The following UNC5D variants were observed in gnomAD, a reference collection of about 807,000 sequenced individuals.
UNC5D encodes the protein unc-5 netrin receptor D, also known as netrin receptor UNC5D.
UNC5D carries 39 observed loss-of-function variants against 105.4 expected under a neutral mutation model. That is an observed-to-expected ratio of 0.37 (90% CI 0.29 to 0.48). The LOEUF is 0.48. Among genes scored for constraint, UNC5D ranks in the 20% least tolerant of loss-of-function variants. The pLI, the probability that UNC5D is intolerant of heterozygous loss-of-function variation, is 0.98. For synonymous variants in UNC5D, 452 were observed against 450.4 expected (o/e 1.00, Z -0.04); for missense variants, 991 against 1,202.4 (o/e 0.82, Z 2.60).
chr8:35,645,740 G>A (rs1823006335), intron 4 of UNC5D, among the ~76,000 whole-genome samples: 1 of 152,076 alleles, frequency 6.6e-6, no homozygotes, highest in Admixed American at 6.6e-5. Context: ...GCAGGGCAAA[G>A]GAATTTTGCT....
chr8:35,706,823 GAACA>G (rs1827610403), intron 8 of UNC5D, among the ~76,000 whole-genome samples: 1 of 152,124 alleles, frequency 6.6e-6, no homozygotes, highest in South Asian at 2.1e-4. Context: ...CCTCAGAACA[GAACA>G]AATAAATTTG....
intron 1 of UNC5D, among the ~76,000 whole-genome samples, chr8:35,439,924 G>T (rs1807283955): frequency 6.6e-6 from 1 of 151,980 alleles, no homozygotes; most frequent in Non-Finnish European, 1.5e-5. Context: ...ACTTTTAAAG[G>T]TAAACTGAAG....
At chr8:35,257,650 T>C (rs1804179920) in intron 1 of UNC5D, among the ~76,000 whole-genome samples, 3 of 152,232 alleles carry the variant, frequency 2.0e-5, no homozygotes, top group Non-Finnish European at 4.4e-5. Context: ...CGCCAAATTG[T>C]CGCCTCAGGT....
chr8:35,645,083 T>C (rs1822966103), intron 4 of UNC5D, among the ~76,000 whole-genome samples: 1 of 152,146 alleles, frequency 6.6e-6, no homozygotes, highest in Non-Finnish European at 1.5e-5. Flanking sequence ...TGCTTAATGC[T>C]TCCTACTCTG....
intron 8 of UNC5D, among the ~76,000 whole-genome samples, chr8:35,716,814 C>G (rs1450129546): frequency 6.6e-6 from 1 of 152,110 alleles, no homozygotes; most frequent in Non-Finnish European, 1.5e-5. Context: ...TACTTAAAAG[C>G]TATTTTCTGA....
At chr8:35,644,307 G>A (rs745685243) in intron 4 of UNC5D, among the ~76,000 whole-genome samples, 1 of 152,096 alleles carries the variant, frequency 6.6e-6, no homozygotes, top group Non-Finnish European at 1.5e-5. Context: ...TTGTATACCT[G>A]TTGGTGGCCA....
intron 1 of UNC5D, among the ~76,000 whole-genome samples, chr8:35,325,909 G>A (rs1042602287): frequency 6.6e-6 from 1 of 152,128 alleles, no homozygotes; most frequent in Admixed American, 6.5e-5. Flanking sequence ...GATGATTGAG[G>A]CTGGGTATTA....
At chr8:35,508,993 AT>A (rs386724421) in intron 1 of UNC5D, among the ~76,000 whole-genome samples, 70 of 152,288 alleles carry the variant, frequency 4.6e-4, no homozygotes, top group African/African-American at 1.6e-3. Context: ...TAAATGAAAA[AT>A]TACTTATTTT....
intron 3 of UNC5D, among the ~76,000 whole-genome samples, chr8:35,570,230 T>C (rs1489750283): frequency 1.3e-5 from 2 of 152,348 alleles, no homozygotes; most frequent in East Asian, 3.9e-4. Context: ...ACCTGCAGTT[T>C]CTACTTTCAC....
intron 1 of UNC5D, among the ~76,000 whole-genome samples, chr8:35,466,133 G>A (rs1169891016): frequency 6.6e-6 from 1 of 152,106 alleles, no homozygotes; most frequent in African/African-American, 2.4e-5. Flanking sequence ...TACAGCAGCA[G>A]GATGAAACTG....
rs142666789 is a variant in UNC5D, at chr8:35,487,201, T to C, written c.104-62091T>C. Among the ~76,000 whole-genome samples the C allele has an allele frequency of 7.8e-3, 1,143 of 146,054 alleles. 26 individuals carry two copies. Among genetic ancestry groups the C allele is most frequent in the African/African-American group, 0.026 (1,072 of 41,156 alleles). On this transcript the variant is annotated intron_variant, in intron 1 of 16. Coordinates refer to ENST00000404895, the MANE Select transcript of UNC5D (RefSeq NM_080872.4). ...ATGCCTCATGAAATTGAGATGATAT[T>C]GCATGACGGTTAGTTCTTTGTGTCA...
chr8:35,734,667 C>A (rs1034508617), intron 11 of UNC5D, among the ~76,000 whole-genome samples: 3 of 152,140 alleles, frequency 2.0e-5, no homozygotes, highest in African/African-American at 4.8e-5. Flanking sequence ...ACCTCGGCAT[C>A]CCCAAGTGCT....
At chr8:35,434,637 T>C (rs1009316465) in intron 1 of UNC5D, among the ~76,000 whole-genome samples, 1 of 152,140 alleles carries the variant, frequency 6.6e-6, no homozygotes. Context: ...TAAATCAAGA[T>C]ACAAAACTTG....
intron 3 of UNC5D, among the ~76,000 whole-genome samples, chr8:35,570,954 A>G (rs1332760537): frequency 2.0e-5 from 3 of 152,064 alleles, no homozygotes; most frequent in African/African-American, 7.2e-5. Flanking sequence ...GCCAAACTCC[A>G]TCAAGAAAGA....
At chr8:35,292,973 C>A (rs1446035597) in intron 1 of UNC5D, among the ~76,000 whole-genome samples, 1 of 152,020 alleles carries the variant, frequency 6.6e-6, no homozygotes, top group African/African-American at 2.4e-5. Context: ...TAGATGTGAG[C>A]CACCATGCCT....
intron 1 of UNC5D, among the ~76,000 whole-genome samples, chr8:35,465,119 G>A (rs1485238366): frequency 1.3e-5 from 2 of 152,126 alleles, no homozygotes; most frequent in Admixed American, 6.6e-5. Flanking sequence ...GGCTGGGCGC[G>A]GTGGCTCATG....
chr8:35,677,265 C>G lies in UNC5D; in HGVS notation c.571-6282C>G, dbSNP rs147658623. Among the ~76,000 whole-genome samples, 1,432 of 152,134 alleles carry G rather than the reference C, an allele frequency of 9.4e-3. 26 individuals carry two copies. Among genetic ancestry groups the G allele is most frequent in the African/African-American group, 0.033 (1,374 of 41,502 alleles). The stretch of plus-strand genomic sequence containing the variant: ...CTATCATTTTTTAAAAATACCCATG[C>G]CTCTGTCTAAAAAGACAGAAAATGC... On this transcript the variant is annotated intron_variant, in intron 4 of 16. Coordinates refer to ENST00000404895, the MANE Select transcript of UNC5D (RefSeq NM_080872.4).
intron 7 of UNC5D, among the ~76,000 whole-genome samples, chr8:35,691,169 C>T (rs79736597): frequency 0.022 from 3,416 of 152,198 alleles, 126 homozygotes; most frequent in African/African-American, 0.077. Context: ...CACAGATGGC[C>T]ACACCTAGAT....
chr8:35,777,007 G>C (rs1802279062), intron 16 of UNC5D, among the ~76,000 whole-genome samples: 1 of 152,188 alleles, frequency 6.6e-6, no homozygotes, highest in Admixed American at 6.5e-5. Context: ...TGTAATCCCA[G>C]CACTTTGGGA....
Sources: gnomAD v4.1 joint callset for allele counts (sites outside exome capture counted in the v4.1 genomes callset) on GRCh38, gnomAD v4.1.1 for gene constraint, MANE v1.5 for transcripts, NCBI Gene and HGNC (gene_info 2026-07-23, HGNC 2026-07-21) for gene names.